Variants in KCNAB2 observed in about 807,000 individuals in gnomAD.
The protein encoded by KCNAB2 is potassium voltage-gated channel subfamily A regulatory beta subunit 2, also known as voltage-gated potassium channel subunit beta-2.
Under a neutral mutation model 63.6 loss-of-function variants are expected in KCNAB2, and 29 were observed. The observed-to-expected ratio is 0.46, with a 90% confidence interval of 0.34 to 0.62. KCNAB2 has a LOEUF of 0.62. Ranked by LOEUF, KCNAB2 falls within the 20% of genes least tolerant of loss-of-function variation. The pLI, the probability that KCNAB2 is intolerant of heterozygous loss-of-function variation, is 0.01. For missense variants in KCNAB2, 359 were observed against 563.9 expected (o/e 0.64, Z 3.68); for synonymous variants, 222 against 224.2 (o/e 0.99, Z 0.09).
At chr1:6,042,135 T>C (rs1257277936), upstream of KCNAB2, among the ~76,000 whole-genome samples, 1 of 152,214 alleles carries the variant, frequency 6.6e-6, no homozygotes, top group Non-Finnish European at 1.5e-5. Context: ...TTTTGATGAC[T>C]GCCAAGCTCT....
chr1:6,089,105 G>A, intron 8 of KCNAB2, 54 bp downstream of exon 8: 2 of 1,517,640 alleles, frequency 1.3e-6, no homozygotes, highest in Non-Finnish European at 8.9e-7. Context: ...ATCATCCTCG[G>A]AGGCCAAAGT....
At position 6,024,891 on chromosome 1, in the gene KCNAB2, G is replaced by A. The variant is rs1039933946; in HGVS notation, c.-52-15626G>A. Among the ~76,000 whole-genome samples the A allele has an allele frequency of 9.2e-5, 14 of 152,246 alleles. No homozygotes were observed. The highest frequency in any genetic ancestry group is 2.6e-4 in the African/African-American group (11 of 41,532). Reference sequence around the variant, plus strand: ...AGCTTTGCCACTAATTTCACCAAGCGACCTTGGATGTTATTTAATATTCTT... The same window carrying A: ...AGCTTTGCCACTAATTTCACCAAGCAACCTTGGATGTTATTTAATATTCTT... On this transcript the variant is annotated intron_variant, in intron 1 of 16. Transcript: ENST00000341524. The surrounding 1 kb of genome is among the most constrained non-coding windows in gnomAD (Gnocchi z 5.4).
chr1:6,011,473 AG>A (rs1465129673), intron 1 of KCNAB2, among the ~76,000 whole-genome samples: 1 of 151,940 alleles, frequency 6.6e-6, no homozygotes, highest in Non-Finnish European at 1.5e-5. Context: ...ACGTGTGCCC[AG>A]GGCCAGGTGT....
chr1:6,059,844 C>G (rs1160038476), intron 2 of KCNAB2, among the ~76,000 whole-genome samples: 2 of 152,110 alleles, frequency 1.3e-5, no homozygotes, highest in East Asian at 3.9e-4. Flanking sequence ...GCTTTGCAGA[C>G]CGTGCAAAGC....
At chr1:6,055,706 G>T (rs1384339507) in intron 2 of KCNAB2, among the ~76,000 whole-genome samples, 2 of 151,964 alleles carry the variant, frequency 1.3e-5, no homozygotes, top group Admixed American at 1.3e-4. Context: ...TTACACCCAG[G>T]TCAGGGTGAA....
intron 2 of KCNAB2, among the ~76,000 whole-genome samples, chr1:6,060,774 G>A (rs745600741): frequency 3.2e-4 from 48 of 152,208 alleles, no homozygotes; most frequent in Non-Finnish European, 5.9e-4. Flanking sequence ...ATGGTGGCAC[G>A]TGCCTGTAGT....
upstream of KCNAB2, among the ~76,000 whole-genome samples, chr1:6,029,596 G>A (rs1368308062): frequency 6.6e-6 from 1 of 152,202 alleles, no homozygotes; most frequent in African/African-American, 2.4e-5. Context: ...CGGGGCACAG[G>A]CTAGTCCCAG....
At chr1:6,004,964 G>T (rs150049145) in intron 1 of KCNAB2, among the ~76,000 whole-genome samples, 7,011 of 104,230 alleles carry the variant, frequency 0.067, 380 homozygotes, top group African/African-American at 0.1. Flanking sequence ...TGTGGGAGCT[G>T]AGCTGAGGGA....
chr1:6,019,984 T>C (rs1658729468), intron 1 of KCNAB2, among the ~76,000 whole-genome samples: 1 of 152,186 alleles, frequency 6.6e-6, no homozygotes, highest in South Asian at 2.1e-4. Context: ...AAGGACCATG[T>C]TGTCATTTCA....
chr1:6,001,288 T>C (rs900459476), intron 1 of KCNAB2, among the ~76,000 whole-genome samples: 2 of 138,272 alleles, frequency 1.4e-5, no homozygotes, highest in African/African-American at 5.7e-5. Context: ...TCCAGCTGCA[T>C]GTGATCACCA....
chr1:6,096,313 G>A lies in KCNAB2; in HGVS notation c.949-323G>A, dbSNP rs771879775. ...CTTCTGGGCCACGGGTGGCAGCCGAGACCCCAGGCTGCCAAGTTTCCTAAG... is the reference window on the plus strand; with the variant it reads ...CTTCTGGGCCACGGGTGGCAGCCGAAACCCCAGGCTGCCAAGTTTCCTAAG... On this transcript the variant is annotated intron_variant, in intron 13 of 15. Transcript: ENST00000378083. The surrounding 1 kb of genome is among the most constrained non-coding windows in gnomAD (Gnocchi z 5.9). The A allele has an allele frequency of 1.2e-5, 5 of 421,318 alleles. 1 individual carries two copies. The highest frequency in any genetic ancestry group is 8.2e-5 in the South Asian group (4 of 48,586). The allele number at this position is 421,318 out of a possible 1,614,324, so 26.1% of individuals were successfully genotyped here.
rs1191066343 is a variant in KCNAB2, at chr1:6,046,151, C to A, written c.-59C>A. ...GATCCCTAATAAACCAGACTGTGGC[C>A]TTTTTAACGAGCAGACGCCCCCACG... On this transcript the variant is annotated 5_prime_UTR_variant, in exon 1 of 16. Transcript: ENST00000378083. 4 of 985,264 alleles carry A rather than the reference C, an allele frequency of 4.1e-6. No homozygotes were observed. Among genetic ancestry groups the A allele is most frequent in the Admixed American group, 6.2e-5 (1 of 16,260 alleles). The allele number at this position is 985,264 out of a possible 1,614,324, so 61.0% of individuals were successfully genotyped here.
chr1:6,087,391 T>A lies in KCNAB2; in HGVS notation c.426-76T>A. On this transcript the variant is annotated intron_variant, in intron 6 of 15. Transcript: ENST00000378083. This position sits in a 1 kb window ranked among gnomAD's most constrained non-coding sequence, Gnocchi z 6.4. ...GCTTTCAGGACCTCTGTGTGAGAGA[T>A]GAGGACGTCGGGGATGAAGGAGGAC... The A allele has an allele frequency of 6.7e-7, 1 of 1,496,480 alleles. No homozygotes were observed. The highest frequency in any genetic ancestry group is 1.7e-4 in the Middle Eastern group (1 of 5,782). The allele number at this position is 1,496,480 out of a possible 1,614,324, so 92.7% of individuals were successfully genotyped here. A position where few individuals can be genotyped will look rare whatever the true frequency, so the allele number is the denominator to read the frequency against.
At chr1:6,047,866 G>A (rs767196587) in intron 1 of KCNAB2, among the ~76,000 whole-genome samples, 15 of 152,312 alleles carry the variant, frequency 9.8e-5, no homozygotes, top group African/African-American at 2.4e-4. Context: ...TTCTGTGCCC[G>A]CAAGTTCCCT....
intron 4 of KCNAB2, among the ~76,000 whole-genome samples, chr1:6,079,603 C>G (rs1664026347): frequency 6.6e-6 from 1 of 152,126 alleles, no homozygotes; most frequent in Non-Finnish European, 1.5e-5. Context: ...GGACATTACA[C>G]TCACTGAAAC....
At chr1:5,992,771 C>CG (rs895110642) in exon 1 of KCNAB2, 2 of 152,114 alleles carry the variant, frequency 1.3e-5, no homozygotes, top group Non-Finnish European at 2.9e-5. Flanking sequence ...GCACAGGATC[C>CG]GGAGCTGGAG....
At chr1:6,040,530 T>TAA in exon 2 of KCNAB2, 2 of 1,588,954 alleles carry the variant, frequency 1.3e-6, no homozygotes, top group Non-Finnish European at 1.7e-6. Context: ...TTTCCCACTG[T>TAA]AAAAAACCGA....
chr1:6,094,440 G>A lies in KCNAB2; in HGVS notation c.687G>A (p.Met229Ile). 1.2e-6 allele frequency: 2 copies of A among 1,612,134 alleles called. No individual in the cohort carries two copies. The highest frequency in any genetic ancestry group is 2.2e-5 in the East Asian group (1 of 44,846). ...RAMTHVINQG[M>I]AMYWGTSRWS... The stretch of plus-strand genomic sequence containing the variant: ...TGACCCACGTCATCAACCAGGGGAT[G>A]GCCATGTACTGGGGCACGTCACGCT... The change falls in exon 11 of 16, where the codon ATG becomes ATA. Residue 229 changes from methionine (M) to isoleucine (I), a missense_variant. Physicochemically the swap from Met to Ile is conservative, Grantham distance 10. Around this residue, in one of 2 missense-constraint regions of KCNAB2, gnomAD observed 271 missense variants for 476.1 expected, o/e 0.57. Transcript: ENST00000378083.
chr1:6,028,551 A>C lies in KCNAB2; in HGVS notation c.-52-11966A>C, dbSNP rs1017763292. 6.6e-6 allele frequency among the ~76,000 whole-genome samples: 1 copy of C among 152,118 alleles called. No individual in the cohort carries two copies. The highest frequency in any genetic ancestry group is 1.5e-5 in the Non-Finnish European group (1 of 68,024). ...AGCCCAGAACAGCCCCCCTCTCTCC[A>C]TCCCTTCTGCGATGTTCACTAGGCA... On this transcript the variant is annotated intron_variant, in intron 1 of 16. Coordinates refer to the KCNAB2 transcript ENST00000341524. The surrounding 1 kb of genome is among the most constrained non-coding windows in gnomAD (Gnocchi z 4.0).
Sources: gnomAD v4.1 joint callset for allele counts (sites outside exome capture counted in the v4.1 genomes callset) on GRCh38, gnomAD v4.1.1 for gene constraint, gnomAD v4.1.1 regional missense constraint, Gnocchi (gnomAD v3.1) non-coding constraint, MANE v1.5 for transcripts, NCBI Gene and HGNC (gene_info 2026-07-23, HGNC 2026-07-21) for gene names.